POU3F3: variants seen among roughly 807,000 people sequenced by gnomAD.
POU3F3 encodes POU domain, class 3, transcription factor 3.
In POU3F3, 1 loss-of-function variant was observed where a neutral mutation model predicts 8.6. The observed-to-expected ratio is 0.12, with a 90% confidence interval of 0.04 to 0.55. POU3F3 has a LOEUF of 0.55. POU3F3 is among the 20% of genes least tolerant of loss of function. The pLI is 0.91. For synonymous variants in POU3F3, 418 were observed against 327.4 expected, an observed-to-expected ratio of 1.28 and a Z score of -2.99; for missense variants, 577 against 690.7, an observed-to-expected ratio of 0.84 and a Z score of 1.84.
the POU3F3 span, among the ~76,000 whole-genome samples, chr2:104,895,026 A>T: frequency 6.6e-6 from 1 of 151,856 alleles, no homozygotes; most frequent in African/African-American, 2.4e-5. Flanking sequence ...CTCCGAGCCC[A>T]GACTGGGGCA....
the POU3F3 span, among the ~76,000 whole-genome samples, chr2:104,909,699 A>C: frequency 1.3e-5 from 2 of 152,236 alleles, no homozygotes; most frequent in Non-Finnish European, 1.5e-5. Context: ...GAAGCCATTT[A>C]AATGGAAATC....
At position 104,856,089 on chromosome 2, in the gene POU3F3, C is replaced by G; in HGVS notation, c.579C>G (p.Ala193=). The G allele has an allele frequency of 9.6e-7, 1 of 1,036,978 alleles. No homozygotes were observed. The highest frequency in any genetic ancestry group is 1.1e-6 in the Non-Finnish European group (1 of 871,592). 64.2% of individuals were successfully genotyped at this position (1,036,978 alleles called of 1,614,324 possible). The part of the protein sequence containing the change: ...HPGGWGAAAA[A]AAAAAAAAAA... Reference sequence around the variant, plus strand: ...GGGGCTGGGGGGCGGCCGCCGCTGCCGCAGCCGCAGCCGCCGCCGCCGCCG... The same window carrying G: ...GGGGCTGGGGGGCGGCCGCCGCTGCGGCAGCCGCAGCCGCCGCCGCCGCCG... The change falls in exon 1 of 1, where the codon GCC becomes GCG. Residue 193 remains alanine (A), a synonymous_variant. Coordinates refer to ENST00000361360, the MANE Select transcript of POU3F3 (RefSeq NM_006236.3).
At chr2:104,910,230 G>C in the POU3F3 span, among the ~76,000 whole-genome samples, 1 of 152,098 alleles carries the variant, frequency 6.6e-6, no homozygotes, top group South Asian at 2.1e-4. Flanking sequence ...AAGCTCTTCA[G>C]CCCATGTCTT....
the POU3F3 span, among the ~76,000 whole-genome samples, chr2:104,911,341 G>T: frequency 6.6e-6 from 1 of 150,412 alleles, no homozygotes; most frequent in South Asian, 2.1e-4. Context: ...CTTGAACCTG[G>T]AAGGCAGAGG....
At chr2:104,878,803 T>C in the POU3F3 span, among the ~76,000 whole-genome samples, 1 of 152,176 alleles carries the variant, frequency 6.6e-6, no homozygotes, top group Non-Finnish European at 1.5e-5. Context: ...CTGTGCTCTG[T>C]TTGGTCCTGA....
chr2:104,919,059 T>A, the POU3F3 span, among the ~76,000 whole-genome samples: 1 of 151,822 alleles, frequency 6.6e-6, no homozygotes, highest in Non-Finnish European at 1.5e-5. Flanking sequence ...TTAGTAGAGA[T>A]GGGGTTTCTC....
chr2:104,892,278 C>T, the POU3F3 span, among the ~76,000 whole-genome samples: 3 of 152,134 alleles, frequency 2.0e-5, no homozygotes, highest in African/African-American at 7.2e-5. Flanking sequence ...TGTTGGCCTC[C>T]ATGTGGGACA....
the POU3F3 span, among the ~76,000 whole-genome samples, chr2:104,925,590 G>A: frequency 2.6e-5 from 4 of 152,078 alleles, no homozygotes; most frequent in South Asian, 8.3e-4. Flanking sequence ...ACCTAGAGAA[G>A]GTGTAAGAGA....
At chr2:104,902,348 C>A in the POU3F3 span, among the ~76,000 whole-genome samples, 1 of 152,142 alleles carries the variant, frequency 6.6e-6, no homozygotes, top group Non-Finnish European at 1.5e-5. Context: ...AAGAGCATTT[C>A]GGCATTGCAG....
At chr2:104,926,183 G>A in the POU3F3 span, 17 of 152,248 alleles carry the variant, frequency 1.1e-4, no homozygotes, top group African/African-American at 4.1e-4. Context: ...CAGAATGGGA[G>A]AAAATTTTTG....
the POU3F3 span, among the ~76,000 whole-genome samples, chr2:104,917,741 AC>A: frequency 1.9e-3 from 284 of 152,298 alleles, 7 homozygotes; most frequent in East Asian, 0.047. Context: ...GCAGCCCAGT[AC>A]TAGGGTGGTG....
the POU3F3 span, chr2:104,869,737 C>T: frequency 3.9e-5 from 6 of 152,258 alleles, no homozygotes; most frequent in Non-Finnish European, 7.3e-5. Context: ...CTCTGCCTCT[C>T]CACCGCCCCT....
the POU3F3 span, among the ~76,000 whole-genome samples, chr2:104,919,165 C>T: frequency 6.6e-6 from 1 of 152,222 alleles, no homozygotes; most frequent in Non-Finnish European, 1.5e-5. Context: ...GCCACCATGC[C>T]TGGTCCATGA....
the POU3F3 span, among the ~76,000 whole-genome samples, chr2:104,900,182 A>G: frequency 2.6e-5 from 4 of 152,318 alleles, no homozygotes; most frequent in Admixed American, 6.5e-5. Flanking sequence ...CTTTTCACCA[A>G]TGGAGGGCTG....
chr2:104,924,434 T>C, the POU3F3 span, among the ~76,000 whole-genome samples: 12 of 152,320 alleles, frequency 7.9e-5, no homozygotes, highest in African/African-American at 2.6e-4. Flanking sequence ...CAAAGACAAT[T>C]GGTTATTTAA....
chr2:104,870,145 G>T, the POU3F3 span, among the ~76,000 whole-genome samples: 1 of 152,166 alleles, frequency 6.6e-6, no homozygotes, highest in Non-Finnish European at 1.5e-5. Flanking sequence ...GAATACCCCA[G>T]GCCCATTTCA....
the POU3F3 span, among the ~76,000 whole-genome samples, chr2:104,917,079 C>G: frequency 3.3e-5 from 5 of 152,192 alleles, no homozygotes; most frequent in South Asian, 1.0e-3. Context: ...CACCGGTGCT[C>G]CTGGTTCTCA....
In POU3F3 at chr2:104,855,808, GC is replaced by G; in HGVS notation, c.301del (p.Leu101CysfsTer49). On this transcript the variant is annotated frameshift_variant, in exon 1 of 1. Coordinates refer to ENST00000361360, the MANE Select transcript of POU3F3 (RefSeq NM_006236.3). LOFTEE classifies it low-confidence loss of function (END_TRUNC). ...GAGCCACGCGCACCAGTGGGTCACA[GC>G]CCTGCCCCACGCCGCCGCCGCCGCC... The part of the protein sequence containing the change: ...MLSHAHQWVT[A>X]LPHAAAAAAA... 1.7e-6 allele frequency: 2 copies of G among 1,190,816 alleles called. No individual in the cohort carries two copies. Among genetic ancestry groups the G allele is most frequent in the Non-Finnish European group, 2.1e-6 (2 of 952,954 alleles). 73.8% of individuals were successfully genotyped at this position (1,190,816 alleles called of 1,614,324 possible).
rs1398864363 is a variant in POU3F3, at chr2:104,857,029, C to G, written c.*16C>G. The G allele has an allele frequency of 6.6e-7, 1 of 1,519,998 alleles. No homozygotes were observed. Among genetic ancestry groups the G allele is most frequent in the Non-Finnish European group, 8.8e-7 (1 of 1,132,210 alleles). 94.2% of individuals were successfully genotyped at this position (1,519,998 alleles called of 1,614,324 possible). Reference sequence around the variant, plus strand: ...CGTTCAGTGAAGCCAGGGCGCAGAGCGAAGAGGGCCGCCGCCGCCGCCGCC... The same window carrying G: ...CGTTCAGTGAAGCCAGGGCGCAGAGGGAAGAGGGCCGCCGCCGCCGCCGCC... On this transcript the variant is annotated 3_prime_UTR_variant, in exon 1 of 1. Transcript: ENST00000361360.
Sources: allele counts gnomAD v4.1 joint callset (sites outside exome capture counted in the v4.1 genomes callset), GRCh38; gene constraint gnomAD v4.1.1; transcripts MANE v1.5; gene names NCBI Gene and HGNC (gene_info 2026-07-23, HGNC 2026-07-21).